Variants in DLGAP2 observed in about 807,000 individuals in gnomAD.
DLGAP2 encodes DLG associated protein 2.
Under a neutral mutation model 100.3 loss-of-function variants are expected in DLGAP2, and 26 were observed. That is an observed-to-expected ratio of 0.26 (90% confidence interval 0.19 to 0.36). The LOEUF is 0.36. DLGAP2 is among the 10% of genes least tolerant of loss of function. The pLI, the probability that DLGAP2 is intolerant of heterozygous loss-of-function variation, is 1.00. For missense variants in DLGAP2, 1,858 were observed against 1,453.2 expected (o/e 1.28, Z -4.53); for synonymous variants, 886 against 630.1 (o/e 1.41, Z -6.08).
At chr8:1,245,379 G>A (rs527832390) in intron 2 of DLGAP2, among the ~76,000 whole-genome samples, 2 of 152,314 alleles carry the variant, frequency 1.3e-5, no homozygotes, top group African/African-American at 2.4e-5. Context: ...TAAATATGCT[G>A]TGGTCCATCC....
intron 2 of DLGAP2, among the ~76,000 whole-genome samples, chr8:920,765 A>T (rs1434554231): frequency 1.3e-5 from 2 of 152,236 alleles, no homozygotes; most frequent in Admixed American, 1.3e-4. Context: ...AGCCTGGGTG[A>T]CAGAGCGGAA....
chr8:1,515,545 C>G (rs984832997), intron 4 of DLGAP2, among the ~76,000 whole-genome samples: 2 of 152,150 alleles, frequency 1.3e-5, no homozygotes, highest in African/African-American at 4.8e-5. Context: ...CATGCAGATG[C>G]ACACAAACAC....
intron 2 of DLGAP2, among the ~76,000 whole-genome samples, 188 bp downstream of exon 2, chr8:908,154 G>C (rs891229339): frequency 6.6e-6 from 1 of 152,198 alleles, no homozygotes; most frequent in Non-Finnish European, 1.5e-5. Flanking sequence ...TGATTTATGA[G>C]CTGAGCCCAG....
chr8:1,534,833 G>T (rs550675203), intron 4 of DLGAP2, among the ~76,000 whole-genome samples: 18 of 152,350 alleles, frequency 1.2e-4, no homozygotes, highest in African/African-American at 3.6e-4. Flanking sequence ...GTGTGCGCAC[G>T]TGTGCTTGCG....
intron 1 of DLGAP2, among the ~76,000 whole-genome samples, chr8:870,841 C>G (rs1797583408): frequency 1.3e-5 from 2 of 152,178 alleles, no homozygotes; most frequent in African/African-American, 4.8e-5. Flanking sequence ...TCTTGGCTCT[C>G]TTTCCCTCAC....
intron 3 of DLGAP2, among the ~76,000 whole-genome samples, chr8:1,303,418 A>C (rs572272837): frequency 2.4e-4 from 36 of 148,722 alleles, no homozygotes; most frequent in African/African-American, 8.8e-4. Flanking sequence ...AAAAAAAAAA[A>C]AAAAAAAAAG....
intron 2 of DLGAP2, among the ~76,000 whole-genome samples, chr8:1,257,102 AG>A (rs1350490627): frequency 6.6e-6 from 1 of 151,990 alleles, no homozygotes; most frequent in African/African-American, 2.4e-5. Context: ...GTCCACCCCG[AG>A]GCGTGTGGGT....
chr8:811,001 G>C (rs1348600022), intron 1 of DLGAP2, among the ~76,000 whole-genome samples: 1 of 152,062 alleles, frequency 6.6e-6, no homozygotes, highest in Non-Finnish European at 1.5e-5. Context: ...CTGTGAGCTT[G>C]GATGGCCACC....
At position 1,163,866 on chromosome 8, in the gene DLGAP2, C is replaced by T. The variant is rs528948160; in HGVS notation, c.74-94985C>T. Reference sequence around the variant, plus strand: ...GAGCTCTGCTCAGCACTGCGGCTGCCGACACGTCCTTGCTGTTGGGCTCCC... The same window carrying T: ...GAGCTCTGCTCAGCACTGCGGCTGCTGACACGTCCTTGCTGTTGGGCTCCC... On this transcript the variant is annotated intron_variant, in intron 2 of 14. Transcript: ENST00000637795. 6.2e-4 allele frequency among the ~76,000 whole-genome samples: 95 copies of T among 152,240 alleles called. 1 individual carries two copies. In the South Asian group the frequency reaches 0.015, roughly 24 times the overall value.
intron 2 of DLGAP2, among the ~76,000 whole-genome samples, chr8:999,623 C>T (rs1285447042): frequency 6.6e-6 from 1 of 151,766 alleles, no homozygotes; most frequent in African/African-American, 2.4e-5. Flanking sequence ...GGATTACAGG[C>T]GCCTGCCATC....
chr8:1,353,869 C>G (rs1801789475), intron 3 of DLGAP2, among the ~76,000 whole-genome samples: 1 of 152,020 alleles, frequency 6.6e-6, no homozygotes, highest in Non-Finnish European at 1.5e-5. Flanking sequence ...ATGAAAAATG[C>G]AGGTTAATAT....
chr8:1,597,763 T>G (rs571359420), intron 6 of DLGAP2, among the ~76,000 whole-genome samples: 3 of 152,316 alleles, frequency 2.0e-5, no homozygotes, highest in African/African-American at 4.8e-5. Flanking sequence ...TTAAGGAGAT[T>G]TAGGGCTGAG....
intron 2 of DLGAP2, among the ~76,000 whole-genome samples, chr8:1,056,709 G>C (rs779495072): frequency 1.3e-5 from 2 of 152,222 alleles, no homozygotes; most frequent in Non-Finnish European, 2.9e-5. Context: ...GACTGAGCTG[G>C]ATTTGAATTC....
chr8:835,401 C>T (rs909161879), intron 1 of DLGAP2, among the ~76,000 whole-genome samples: 3 of 151,932 alleles, frequency 2.0e-5, no homozygotes, highest in East Asian at 1.9e-4. Flanking sequence ...CAAAACGTGA[C>T]GACATCGCTC....
intron 2 of DLGAP2, among the ~76,000 whole-genome samples, chr8:1,146,367 C>T (rs970692138): frequency 9.2e-5 from 14 of 152,212 alleles, no homozygotes; most frequent in Non-Finnish European, 1.6e-4. Flanking sequence ...CCTTTACAAA[C>T]ACAGGTTTTT....
chr8:1,367,934 T>A (rs1474898393), intron 3 of DLGAP2, among the ~76,000 whole-genome samples: 1 of 152,178 alleles, frequency 6.6e-6, no homozygotes, highest in Non-Finnish European at 1.5e-5. Context: ...TTCCGGATGA[T>A]CTTTAGTGCC....
chr8:1,299,835 A>C (rs998436741), intron 3 of DLGAP2: 4 of 152,330 alleles, frequency 2.6e-5, no homozygotes, highest in Non-Finnish European at 4.4e-5. Context: ...TTGAAAATCA[A>C]CCCAAATGAC....
In DLGAP2 at chr8:1,333,301, C is replaced by T. The variant is rs111865422; in HGVS notation, c.106+74418C>T. Reference sequence around the variant, plus strand: ...GCATGGCACCTCGAGTCTCAGGACACGGGGACGGGCAGGGCTGGGGTGTGG... The same window carrying T: ...GCATGGCACCTCGAGTCTCAGGACATGGGGACGGGCAGGGCTGGGGTGTGG... On this transcript the variant is annotated intron_variant, in intron 3 of 14. Transcript: ENST00000637795. Among the ~76,000 whole-genome samples, 62 of 152,210 alleles carry T rather than the reference C, an allele frequency of 4.1e-4. 1 individual carries two copies. Among genetic ancestry groups the T allele is most frequent in the African/African-American group, 1.3e-3 (53 of 41,548 alleles).
chr8:1,221,243 C>G (rs1281030322), intron 2 of DLGAP2, among the ~76,000 whole-genome samples: 1 of 152,166 alleles, frequency 6.6e-6, no homozygotes, highest in African/African-American at 2.4e-5. Flanking sequence ...AAGGGTCTTT[C>G]ATGTCCATGT....
Sources: allele counts gnomAD v4.1 joint callset (sites outside exome capture counted in the v4.1 genomes callset), GRCh38; gene constraint gnomAD v4.1.1; transcripts MANE v1.5; gene names NCBI Gene and HGNC (gene_info 2026-07-23, HGNC 2026-07-21).